UST: variants seen among roughly 807,000 people sequenced by gnomAD.
The protein encoded by UST is chondroitin sulfate 2-O-sulfotransferase.
In UST, 21 loss-of-function variants were observed where a neutral mutation model predicts 45.6. The ratio of observed to expected loss-of-function variants is 0.46; its 90% CI spans 0.33 to 0.66. The LOEUF (loss-of-function observed/expected upper bound fraction) is 0.66. Among genes scored for constraint, UST ranks in the 30% least tolerant of loss-of-function variants. UST has a pLI of 0.02. For synonymous variants in UST, 215 were observed against 200.6 expected, an observed-to-expected ratio of 1.07 and a Z score of -0.61; for missense variants, 463 against 512.4, an observed-to-expected ratio of 0.90 and a Z score of 0.93.
At chr6:148,929,229 A>AAGTTTTACCCTAAGAGGAAGGC (rs1475398486) in intron 2 of UST, among the ~76,000 whole-genome samples, 62 of 152,334 alleles carry the variant, frequency 4.1e-4, no homozygotes, top group Middle Eastern at 6.8e-3. Context: ...TGACTTGTTC[A>AAGTTTTACCCTAAGAGGAAGGC]AGTTTTACCC....
intron 1 of UST, among the ~76,000 whole-genome samples, chr6:148,760,898 G>C (rs146612001): frequency 2.2e-4 from 33 of 152,308 alleles, no homozygotes; most frequent in African/African-American, 7.5e-4. Context: ...TAAGCACAAA[G>C]AGAAATGAAA....
intron 2 of UST, among the ~76,000 whole-genome samples, chr6:148,923,711 C>T (rs779311614): frequency 1.2e-4 from 18 of 152,302 alleles, no homozygotes; most frequent in Non-Finnish European, 2.1e-4. Context: ...TCGAGACCAT[C>T]ACCTGACCCA....
rs1423321063 is a variant in UST, at chr6:148,886,982, C to T, written c.248-4C>T. ...ATTCATCAACTTTTTCCTTTATTTT[C>T]TAGGAAATTCCACTTACTTGGATGA... On this transcript the variant is annotated splice_region_variant and splice_polypyrimidine_tract_variant and intron_variant, in intron 1 of 7. Transcript: ENST00000367463. 1.2e-6 allele frequency: 2 copies of T among 1,611,464 alleles called. No homozygotes were observed. The highest frequency in any genetic ancestry group is 2.7e-5 in the African/African-American group (2 of 74,834).
chr6:148,893,038 A>C (rs1562291677), intron 2 of UST, among the ~76,000 whole-genome samples: 1 of 152,208 alleles, frequency 6.6e-6, no homozygotes, highest in South Asian at 2.1e-4. Context: ...TAATCCATAC[A>C]AATAGCTAGA....
At chr6:148,983,405 A>T (rs1410638579) in intron 5 of UST, among the ~76,000 whole-genome samples, 1 of 152,186 alleles carries the variant, frequency 6.6e-6, no homozygotes, top group East Asian at 1.9e-4. Flanking sequence ...GAAGAACAGG[A>T]TTCGTCATCA....
intron 1 of UST, among the ~76,000 whole-genome samples, chr6:148,783,305 A>G (rs1776678853): frequency 6.6e-6 from 1 of 152,172 alleles, no homozygotes; most frequent in South Asian, 2.1e-4. Flanking sequence ...AACTCACTAT[A>G]TTGTCATATT....
intron 2 of UST, among the ~76,000 whole-genome samples, chr6:148,922,845 T>G (rs1284348045): frequency 6.6e-6 from 1 of 152,060 alleles, no homozygotes; most frequent in Non-Finnish European, 1.5e-5. Context: ...CAGGCTGGAG[T>G]GCAGTGGCAC....
chr6:148,771,746 A>G (rs1441516781), intron 1 of UST, among the ~76,000 whole-genome samples: 1 of 152,236 alleles, frequency 6.6e-6, no homozygotes, highest in Non-Finnish European at 1.5e-5. Context: ...ATTGGATGAT[A>G]TATGTTTACT....
At chr6:149,038,234 C>T (rs1294172458) in intron 7 of UST, among the ~76,000 whole-genome samples, 1 of 151,482 alleles carries the variant, frequency 6.6e-6, no homozygotes, top group South Asian at 2.1e-4. Context: ...GAGACCCCTT[C>T]CCCTGCAAAA....
chr6:149,042,180 CGTCACTA>C, intron 7 of UST, among the ~76,000 whole-genome samples: 2 of 151,988 alleles, frequency 1.3e-5, no homozygotes, highest in Non-Finnish European at 2.9e-5. Flanking sequence ...TTGTATATGA[CGTCACTA>C]TTTTATGGGG....
intron 1 of UST, among the ~76,000 whole-genome samples, chr6:148,764,198 A>G (rs1475944714): frequency 6.6e-6 from 1 of 151,858 alleles, no homozygotes; most frequent in Non-Finnish European, 1.5e-5. Context: ...TCTTGTGGAG[A>G]TTTTTCACCT....
At chr6:148,831,111 A>G (rs1336075587) in intron 1 of UST, among the ~76,000 whole-genome samples, 2 of 152,142 alleles carry the variant, frequency 1.3e-5, no homozygotes, top group African/African-American at 4.8e-5. Flanking sequence ...TTCCTTTAAA[A>G]TGATTAAATA....
At chr6:148,997,854 A>G (rs568438924) in intron 5 of UST, among the ~76,000 whole-genome samples, 7 of 152,338 alleles carry the variant, frequency 4.6e-5, no homozygotes, top group African/African-American at 1.4e-4. Flanking sequence ...TAGGTTCAGC[A>G]TCTCTTTATT....
chr6:148,747,748 C>A, intron 1 of UST, 71 bp downstream of exon 1: 1 of 1,465,024 alleles, frequency 6.8e-7, no homozygotes, highest in Non-Finnish European at 9.0e-7. Context: ...AGGGTCGCGG[C>A]GGGGACTTCT....
intron 1 of UST, among the ~76,000 whole-genome samples, chr6:148,843,436 C>T (rs1017574888): frequency 6.6e-6 from 1 of 152,232 alleles, no homozygotes; most frequent in Non-Finnish European, 1.5e-5. Context: ...TTAAGGGGCA[C>T]TATTCTCACT....
intron 1 of UST, among the ~76,000 whole-genome samples, chr6:148,845,019 C>T (rs572656800): frequency 2.8e-4 from 43 of 152,126 alleles, no homozygotes; most frequent in South Asian, 1.0e-3. Context: ...CACATAGTCT[C>T]GATCCAATCC....
chr6:148,966,443 A>C (rs1201594073), intron 5 of UST, among the ~76,000 whole-genome samples: 1 of 152,138 alleles, frequency 6.6e-6, no homozygotes, highest in Admixed American at 6.5e-5. Flanking sequence ...CAATTTTTTC[A>C]TAGTTCTGAT....
At chr6:149,003,764 GGAAGAGCATT>G (rs1267331012) in intron 5 of UST, among the ~76,000 whole-genome samples, 3 of 152,208 alleles carry the variant, frequency 2.0e-5, no homozygotes, top group African/African-American at 7.2e-5. Context: ...CCCGGAGGCT[GGAAGAGCATT>G]GAATCTGCAG....
intron 5 of UST, among the ~76,000 whole-genome samples, chr6:148,977,294 G>T (rs2449388): frequency 0.71 from 106,913 of 151,390 alleles, 37,923 homozygotes; most frequent in Non-Finnish European, 0.75. Context: ...ATAATACATA[G>T]TTTTATTATG....
Sources: gnomAD v4.1 joint callset for allele counts (sites outside exome capture counted in the v4.1 genomes callset) on GRCh38, gnomAD v4.1.1 for gene constraint, MANE v1.5 for transcripts, NCBI Gene and HGNC (gene_info 2026-07-23, HGNC 2026-07-21) for gene names.